CIAO1: variants seen among roughly 807,000 people sequenced by gnomAD.
The protein encoded by CIAO1 is probable cytosolic iron-sulfur protein assembly protein CIAO1.
Under a neutral mutation model 43.1 loss-of-function variants are expected in CIAO1, and 32 were observed. The observed-to-expected ratio is 0.74, with a 90% CI of 0.56 to 1.00. CIAO1 has a LOEUF of 1.00. Ranked by LOEUF, CIAO1 falls within the 50% of genes least tolerant of loss-of-function variation. CIAO1 has a pLI of 0.00. For missense variants in CIAO1, 415 were observed against 437.4 expected (o/e 0.95, Z 0.46); for synonymous variants, 183 against 171.4 (o/e 1.07, Z -0.53).
rs757668297 is a variant in CIAO1 at position 96,268,637 on chromosome 2, T to C, written c.670T>C (p.Tyr224His). The change falls in exon 5 of 7, where the codon TAT becomes CAT. Residue 224 changes from tyrosine (Y) to histidine (H), a missense_variant. Coordinates refer to ENST00000488633, the MANE Select transcript of CIAO1 (RefSeq NM_004804.3). ...CCGTACTGTGCGTATCTGGCGTCAG[T>C]ATCTACCAGGCAATGAACAAGGTGA... The part of the protein sequence containing the change: ...DDRTVRIWRQ[Y>H]LPGNEQGVAC... 1 of 1,614,186 alleles carries C rather than the reference T, an allele frequency of 6.2e-7. No homozygotes were observed. Among genetic ancestry groups the C allele is most frequent in the Admixed American group, 1.7e-5 (1 of 60,030 alleles).
chr2:96,268,756 TA>T, intron 5 of CIAO1, 98 bp downstream of exon 5: 2 of 1,227,160 alleles, frequency 1.6e-6, no homozygotes, highest in Non-Finnish European at 2.4e-6. Context: ...GGGTAAAAGG[TA>T]AGATGTGCTA....
chr2:96,271,451 T>G lies in CIAO1; in HGVS notation c.*100T>G. On this transcript the variant is annotated 3_prime_UTR_variant, in exon 7 of 7. Coordinates refer to ENST00000488633, the MANE Select transcript of CIAO1 (RefSeq NM_004804.3). ...CAGGAGGAGCATCCTTGACCTTCAT[T>G]TAACTTGGCTCACTTCTCTTCAGAC... is the stretch of plus-strand genomic sequence containing the variant. The G allele has an allele frequency of 7.0e-7, 1 of 1,425,240 alleles. No homozygotes were observed. The highest frequency in any genetic ancestry group is 2.1e-5 in the Admixed American group (1 of 46,684). The allele number at this position is 1,425,240 out of a possible 1,614,324, so 88.3% of individuals were successfully genotyped here.
intron 1 of CIAO1, 110 bp from the exon 2 acceptor site, chr2:96,267,211 C>A: frequency 5.5e-6 from 4 of 729,078 alleles, no homozygotes; most frequent in East Asian, 6.4e-5. Flanking sequence ...CTGTGAAATA[C>A]ACTCCCTGAG....
At chr2:96,269,643 TTTTTTTTG>T (rs1313738029) in intron 6 of CIAO1, among the ~76,000 whole-genome samples, 2 of 151,938 alleles carry the variant, frequency 1.3e-5, no homozygotes, top group Non-Finnish European at 2.9e-5. Context: ...GGCTGAGGGT[TTTTTTTTG>T]TTTTTTTGTT....
In CIAO1 at chr2:96,272,915, A is replaced by T. The variant is rs1215657473; in HGVS notation, c.*1564A>T. On this transcript the variant is annotated 3_prime_UTR_variant, in exon 7 of 7. Transcript: ENST00000488633. ...GCACTGAAGTATGGGTGCCTTGAGG[A>T]AAAGCAGTTACACAGTTGAGTTGCA... is the stretch of plus-strand genomic sequence containing the variant. The T allele has an allele frequency of 6.6e-6, 1 of 152,204 alleles. No individual in the cohort carries two copies. Among genetic ancestry groups the T allele is most frequent in the Non-Finnish European group, 1.5e-5 (1 of 68,032 alleles). 9.4% of individuals were successfully genotyped at this position (152,204 alleles called of 1,614,324 possible).
chr2:96,269,169 A>T, intron 5 of CIAO1, 99 bp from the exon 6 acceptor site: 1 of 960,118 alleles, frequency 1.0e-6, no homozygotes, highest in South Asian at 1.3e-5. Context: ...ACAGACTCAT[A>T]ATCAGTTGAA....
rs367948994 is a variant in CIAO1, at chr2:96,267,403, T to C, written c.222T>C (p.Asn74=). ...VRKVAWSPCG[N]YLASASFDAT... is the part of the protein sequence containing the mutation. ...AGGTAGCCTGGTCCCCCTGCGGTAA[T>C]TACCTGGCCTCTGCCAGCTTTGATG... The change falls in exon 2 of 7, where the codon AAT becomes AAC. Residue 74 remains asparagine (N), a synonymous_variant. Coordinates refer to ENST00000488633, the MANE Select transcript of CIAO1 (RefSeq NM_004804.3). 6.1e-5 allele frequency: 98 copies of C among 1,614,162 alleles called. No individual in the cohort carries two copies. The highest frequency in any genetic ancestry group is 4.8e-4 in the African/African-American group (36 of 75,026).
intron 4 of CIAO1, 40 bp from the exon 5 acceptor site, chr2:96,268,417 A>C (rs147727121): frequency 6.3e-7 from 1 of 1,574,830 alleles, no homozygotes; most frequent in East Asian, 2.2e-5. Flanking sequence ...TTCCTGGGCC[A>C]CACAGACACA....
intron 6 of CIAO1, 77 bp downstream of exon 6, chr2:96,269,432 C>T: frequency 7.4e-7 from 1 of 1,357,024 alleles, no homozygotes; most frequent in Non-Finnish European, 1.1e-6. Context: ...ATGCAGTCCT[C>T]TGCAACCCTG....
At chr2:96,267,218 T>G in intron 1 of CIAO1, 103 bp from the exon 2 acceptor site, 32 of 1,157,818 alleles carry the variant, frequency 2.8e-5, no homozygotes, top group Non-Finnish European at 3.5e-5. Flanking sequence ...ATACACTCCC[T>G]GAGCTTTCCC....
chr2:96,268,766 T>C (rs62153033), intron 5 of CIAO1, 108 bp downstream of exon 5: 391,348 of 1,080,472 alleles, frequency 0.36, 76,948 homozygotes, highest in South Asian at 0.69. Flanking sequence ...TAAGATGTGC[T>C]ACAAGAGGGC....
intron 1 of CIAO1, among the ~76,000 whole-genome samples, 181 bp from the exon 2 acceptor site, chr2:96,267,134 CAAAAAA>C (rs1183454827): frequency 0.088 from 3,234 of 36,640 alleles, 52 homozygotes; most frequent in Non-Finnish European, 0.12. Context: ...AACTCCGTCT[CAAAAAA>C]AAAAAAAAAA....
rs1454520391 is a variant in CIAO1 at position 96,267,919 on chromosome 2, C to G, written c.484C>G (p.Gln162Glu). The G allele has an allele frequency of 1.2e-6, 2 of 1,613,850 alleles. No individual in the cohort carries two copies. The change falls in exon 4 of 7, where the codon CAG becomes GAG. Residue 162 changes from glutamine (Q) to glutamate (E), a missense_variant. By Grantham distance (29) the Gln-to-Glu change is conservative. Coordinates refer to ENST00000488633, the MANE Select transcript of CIAO1 (RefSeq NM_004804.3). ...DVKHVVWHPS[Q>E]ELLASASYDD... ...CAAGCATGTGGTTTGGCACCCAAGT[C>G]AGGAGGTAAGAGTCAAGCAGGGACT...
intron 6 of CIAO1, among the ~76,000 whole-genome samples, chr2:96,269,660 T>C (rs2104318071): frequency 6.6e-6 from 1 of 152,176 alleles, no homozygotes; most frequent in African/African-American, 2.4e-5. Flanking sequence ...TGTTTTTTTG[T>C]TTTTTGAGAC....
chr2:96,269,560 G>C (rs1233392895), intron 6 of CIAO1, among the ~76,000 whole-genome samples: 1 of 152,356 alleles, frequency 6.6e-6, no homozygotes, highest in East Asian at 1.9e-4. Flanking sequence ...GTCCCAGGCT[G>C]TGAGGGTAGC....
chr2:96,272,222 C>G lies in CIAO1; in HGVS notation c.*871C>G, dbSNP rs1327682357. The G allele has an allele frequency of 6.6e-6, 1 of 152,202 alleles. No homozygotes were observed. Among genetic ancestry groups the G allele is most frequent in the African/African-American group, 2.4e-5 (1 of 41,452 alleles). 9.4% of individuals were successfully genotyped at this position (152,202 alleles called of 1,614,324 possible). A position where few individuals can be genotyped will look rare whatever the true frequency, so the allele number is the denominator to read the frequency against. On this transcript the variant is annotated 3_prime_UTR_variant, in exon 7 of 7. Transcript: ENST00000488633. ...ATCAGCAGGCAGTTTCAGACTCACT[C>G]AAGTTGTCTCTTGACAGTCACTTCT...
chr2:96,269,257 C>CT lies in CIAO1; in HGVS notation c.692-10dup, dbSNP rs774847204. 1.6e-5 allele frequency: 25 copies of CT among 1,612,850 alleles called. No homozygotes were observed. The African/African-American group carries it at 2.9e-4, about 19-fold the overall frequency. On this transcript the variant is annotated splice_polypyrimidine_tract_variant and intron_variant, in intron 5 of 6. Coordinates refer to ENST00000488633, the MANE Select transcript of CIAO1 (RefSeq NM_004804.3). The stretch of plus-strand genomic sequence containing the variant: ...AGGAACGTTTAAGGGCAAGAGAAGT[C>CT]TGTCTTGCAGGGGTGGCATGCAGCG...
chr2:96,271,313 G>A lies in CIAO1; in HGVS notation c.982G>A (p.Val328Met), dbSNP rs1684545655. The A allele has an allele frequency of 1.2e-6, 2 of 1,614,052 alleles. No individual in the cohort carries two copies. Among genetic ancestry groups the A allele is most frequent in the Admixed American group, 1.7e-5 (1 of 60,004 alleles). The change falls in exon 7 of 7, where the codon GTG becomes ATG. Residue 328 changes from valine to methionine, a missense_variant. Physicochemically the swap from Val to Met is conservative, Grantham distance 21. Coordinates refer to ENST00000488633, the MANE Select transcript of CIAO1 (RefSeq NM_004804.3). The stretch of plus-strand genomic sequence containing the variant: ...GGCCTCCTGCAGTGATGATGGGGAG[G>A]TGGCCTTCTGGAAGTATCAGCGGCC... ...LLASCSDDGE[V>M]AFWKYQRPEG...
rs955585056 is a variant in CIAO1, at chr2:96,266,243, T to A, written c.-108T>A. On this transcript the variant is annotated 5_prime_UTR_variant, in exon 1 of 7. Coordinates refer to ENST00000488633, the MANE Select transcript of CIAO1 (RefSeq NM_004804.3). ...GTCCTCCGGCGGAAGCGGGAGCCTC[T>A]GTCGGCCGCGGAAGCCTGGAGTGGG... 4.1e-6 allele frequency: 5 copies of A among 1,218,168 alleles called. No individual in the cohort carries two copies. The highest frequency in any genetic ancestry group is 5.2e-6 in the Non-Finnish European group (5 of 961,110). The allele number at this position is 1,218,168 out of a possible 1,614,324, so 75.5% of individuals were successfully genotyped here.
Sources: gnomAD v4.1 joint callset for allele counts (sites outside exome capture counted in the v4.1 genomes callset) on GRCh38, gnomAD v4.1.1 for gene constraint, MANE v1.5 for transcripts, NCBI Gene and HGNC (gene_info 2026-07-23, HGNC 2026-07-21) for gene names.